Variants in AFAP1 observed in about 807,000 individuals in gnomAD.
AFAP1 encodes the protein actin filament-associated protein 1.
Under a neutral mutation model 93.9 loss-of-function variants are expected in AFAP1, and 75 were observed. The observed-to-expected ratio is 0.80, with a 90% CI of 0.66 to 0.97. The LOEUF is 0.97. Ranked by LOEUF, AFAP1 falls within the 50% of genes least tolerant of loss-of-function variation. The probability of loss-of-function intolerance (pLI) is 0.00; values close to 1 mark genes in which losing one functional copy is unlikely to be tolerated. For synonymous variants in AFAP1, 517 were observed against 430.7 expected (o/e 1.20, Z -2.48); for missense variants, 1,201 against 1,050.8 (o/e 1.14, Z -1.98).
At chr4:7,773,658 A>C (rs539005188) in intron 15 of AFAP1, 5 of 152,714 alleles carry the variant, frequency 3.3e-5, no homozygotes, top group African/African-American at 1.2e-4. Flanking sequence ...ACTATCCTGC[A>C]AGCTGGGAAC....
At chr4:7,894,978 A>G (rs28681260) in intron 1 of AFAP1, among the ~76,000 whole-genome samples, 84,787 of 152,108 alleles carry the variant, frequency 0.56, 24,578 homozygotes, top group East Asian at 0.67. Flanking sequence ...GTGGGTACAG[A>G]CGGAGGGGCA....
In AFAP1 at chr4:7,772,940, C is replaced by A. The variant is rs149591663; in HGVS notation, c.2133G>T (p.Ala711=). 124 of 1,613,860 alleles carry A rather than the reference C, an allele frequency of 7.7e-5. No individual in the cohort carries two copies. The East Asian group carries it at 2.5e-3, about 33-fold the overall frequency. The change falls in exon 16 of 18, where the codon GCG becomes GCT. Residue 711 remains alanine (A), a synonymous_variant. Coordinates refer to ENST00000420658, the MANE Select transcript of AFAP1 (RefSeq NM_001134647.2). ...GCTCCAGCTCCAGGCTGACACGCTC[C>A]GCCTCCTTCTGCCGGCACTCCTCCT... ...QLEEECRQKE[A]ERVSLELELT...
At chr4:7,816,214 A>T (rs576218230) in intron 7 of AFAP1, 115 bp from the exon 8 acceptor site, 1 of 850,786 alleles carries the variant, frequency 1.2e-6, no homozygotes, top group East Asian at 2.6e-5. Context: ...CCAAATTCAT[A>T]GCAATCCAGA....
intron 1 of AFAP1, among the ~76,000 whole-genome samples, chr4:7,894,931 CCT>C (rs1718681313): frequency 6.6e-6 from 1 of 152,206 alleles, no homozygotes; most frequent in South Asian, 2.1e-4. Flanking sequence ...TCTCTCTGCC[CCT>C]GGCTCCCCAG....
rs4689864 is a variant in AFAP1, at chr4:7,799,623, A to T, written c.1266+819T>A. ...GCGACCATCTGGCGTGTGAATGCAC[A>T]GATCTGTCTGTGTGTGTATGTTTGC... On this transcript the variant is annotated intron_variant, in intron 10 of 17. Transcript: ENST00000420658. 1.1e-4 allele frequency among the ~76,000 whole-genome samples: 17 copies of T among 152,190 alleles called. No individual in the cohort carries two copies. In the East Asian group the frequency reaches 2.7e-3, roughly 24 times the overall value.
intron 6 of AFAP1, among the ~76,000 whole-genome samples, chr4:7,830,405 G>C (rs1721784360): frequency 6.6e-6 from 1 of 152,176 alleles, no homozygotes; most frequent in Non-Finnish European, 1.5e-5. Context: ...TGTGCTGGAA[G>C]ACCTCACGGC....
chr4:7,811,999 C>A (rs576023170), intron 8 of AFAP1, among the ~76,000 whole-genome samples: 2 of 151,286 alleles, frequency 1.3e-5, no homozygotes, highest in South Asian at 4.2e-4. Flanking sequence ...AATAAAGCGC[C>A]GAGACTGGCT....
intron 12 of AFAP1, among the ~76,000 whole-genome samples, chr4:7,785,803 T>C (rs1381746683): frequency 6.6e-6 from 1 of 152,100 alleles, no homozygotes; most frequent in South Asian, 2.1e-4. Context: ...TGGGATGTGG[T>C]GGTGTGCACC....
intron 1 of AFAP1, among the ~76,000 whole-genome samples, chr4:7,891,960 A>G (rs1718497056): frequency 6.6e-6 from 1 of 152,178 alleles, no homozygotes. Context: ...ATGCTGAGGC[A>G]GGAGAATGGC....
chr4:7,769,869 C>G (rs111441173), intron 16 of AFAP1, among the ~76,000 whole-genome samples: 3,988 of 152,350 alleles, frequency 0.026, 80 homozygotes, highest in Non-Finnish European at 0.042. Context: ...CCAACTTGAC[C>G]TATGCAGTGG....
intron 6 of AFAP1, among the ~76,000 whole-genome samples, chr4:7,827,569 C>CAAAAAAAAAAAATAAA (rs1721538427): frequency 1.9e-5 from 1 of 52,254 alleles, no homozygotes; most frequent in African/African-American, 8.0e-5. Context: ...ACTCTGTCTC[C>CAAAAAAAAAAAATAAA]AAAAAAAAAA....
At chr4:7,887,934 C>A in intron 1 of AFAP1, among the ~76,000 whole-genome samples, 1 of 152,048 alleles carries the variant, frequency 6.6e-6, no homozygotes, top group Non-Finnish European at 1.5e-5. Context: ...TCAAGCGATA[C>A]TCCTGCCTCA....
intron 3 of AFAP1, among the ~76,000 whole-genome samples, chr4:7,856,189 A>T (rs191320867): frequency 2.3e-3 from 349 of 152,374 alleles, no homozygotes; most frequent in Non-Finnish European, 3.9e-3. Flanking sequence ...TTTCTAAAAC[A>T]AAGTAGAAAT....
At chr4:7,821,258 G>C (rs1720949553) in intron 6 of AFAP1, among the ~76,000 whole-genome samples, 1 of 152,200 alleles carries the variant, frequency 6.6e-6, no homozygotes, top group Non-Finnish European at 1.5e-5. Flanking sequence ...TGGTTAAACT[G>C]AGACAGTGAG....
At chr4:7,887,093 TTTG>T (rs1379862398) in intron 1 of AFAP1, among the ~76,000 whole-genome samples, 1 of 152,192 alleles carries the variant, frequency 6.6e-6, no homozygotes, top group East Asian at 1.9e-4. Flanking sequence ...GATCTCCACT[TTTG>T]TAAAGACCCT....
chr4:7,770,882 C>T (rs919866598), intron 16 of AFAP1, among the ~76,000 whole-genome samples: 1 of 152,174 alleles, frequency 6.6e-6, no homozygotes, highest in Non-Finnish European at 1.5e-5. Context: ...GGGAGGGGCA[C>T]AGGGCTCCAT....
chr4:7,848,861 A>T (rs1236763636), intron 4 of AFAP1, among the ~76,000 whole-genome samples: 1 of 152,186 alleles, frequency 6.6e-6, no homozygotes, highest in Non-Finnish European at 1.5e-5. Context: ...GAAATTAAGG[A>T]ACACTCCAGT....
intron 4 of AFAP1, among the ~76,000 whole-genome samples, chr4:7,846,481 G>A (rs992056339): frequency 3.1e-4 from 47 of 152,160 alleles, no homozygotes; most frequent in South Asian, 2.1e-4. Context: ...CATCATCCTA[G>A]CTTTATTTCA....
intron 1 of AFAP1, among the ~76,000 whole-genome samples, chr4:7,913,632 AGC>A (rs1719899971): frequency 6.6e-6 from 1 of 152,240 alleles, no homozygotes; most frequent in Admixed American, 6.5e-5. Context: ...GAAGAAAATG[AGC>A]ATGTATGCCT....
Sources: gnomAD v4.1 joint callset for allele counts (sites outside exome capture counted in the v4.1 genomes callset) on GRCh38, gnomAD v4.1.1 for gene constraint, MANE v1.5 for transcripts, NCBI Gene and HGNC (gene_info 2026-07-23, HGNC 2026-07-21) for gene names.